The following OXR1 variants were observed in gnomAD, a reference collection of about 807,000 sequenced individuals.
OXR1 encodes oxidation resistance protein 1.
A neutral mutation model predicts 104.6 loss-of-function variants in OXR1; 41 were observed. That is an observed-to-expected ratio of 0.39 (90% CI 0.31 to 0.51). OXR1 has a LOEUF of 0.51. Ranked by LOEUF, OXR1 falls within the 20% of genes least tolerant of loss-of-function variation. The pLI, the probability that OXR1 is intolerant of heterozygous loss-of-function variation, is 0.77. For synonymous variants in OXR1, 348 were observed against 348.4 expected, an observed-to-expected ratio of 1.00 and a Z score of 0.01; for missense variants, 955 against 1,031.9, an observed-to-expected ratio of 0.93 and a Z score of 1.02.
chr8:106,712,480 C>T (rs943535966), intron 10 of OXR1, among the ~76,000 whole-genome samples: 2 of 152,002 alleles, frequency 1.3e-5, no homozygotes, highest in Non-Finnish European at 2.9e-5. Context: ...AACAGGAAAT[C>T]TGTAAAATAT....
At chr8:106,412,526 C>G (rs1403213581) in intron 2 of OXR1, among the ~76,000 whole-genome samples, 1 of 152,128 alleles carries the variant, frequency 6.6e-6, no homozygotes, top group Non-Finnish European at 1.5e-5. Context: ...CGTAAGTATT[C>G]TTATCAATTT....
At chr8:106,557,112 T>C (rs184049864) in intron 3 of OXR1, among the ~76,000 whole-genome samples, 1 of 152,362 alleles carries the variant, frequency 6.6e-6, no homozygotes, top group East Asian at 1.9e-4. Context: ...CCTTTGTGTT[T>C]GCTCTAATTG....
intron 11 of OXR1, among the ~76,000 whole-genome samples, chr8:106,717,134 C>A (rs1463091193): frequency 6.6e-6 from 1 of 151,820 alleles, no homozygotes; most frequent in East Asian, 1.9e-4. Context: ...TGCAGTGAGC[C>A]AAGATCACAC....
At chr8:106,286,616 C>T (rs934689034) in intron 1 of OXR1, among the ~76,000 whole-genome samples, 123 of 152,172 alleles carry the variant, frequency 8.1e-4, no homozygotes, top group African/African-American at 2.8e-3. Context: ...GTTTACATTC[C>T]GAGGTTGTAG....
intron 2 of OXR1, among the ~76,000 whole-genome samples, chr8:106,372,722 T>G (rs910790502): frequency 3.9e-5 from 6 of 152,354 alleles, no homozygotes; most frequent in Non-Finnish European, 7.3e-5. Flanking sequence ...GGGTTTGGAC[T>G]TGGGTGCCAC....
intron 3 of OXR1, among the ~76,000 whole-genome samples, chr8:106,614,237 G>T (rs1821020198): frequency 6.6e-6 from 1 of 152,020 alleles, no homozygotes; most frequent in African/African-American, 2.4e-5. Context: ...CTTAAAAAAG[G>T]TTCAGTTTGA....
chr8:106,508,445 A>G (rs993639321), intron 2 of OXR1, among the ~76,000 whole-genome samples: 17 of 107,510 alleles, frequency 1.6e-4, no homozygotes, highest in Non-Finnish European at 3.0e-4. Flanking sequence ...TCTAAGCAGA[A>G]GAAAACTAGA....
chr8:106,702,326 T>C (rs1348319987), intron 7 of OXR1, among the ~76,000 whole-genome samples: 2 of 152,202 alleles, frequency 1.3e-5, no homozygotes, highest in Admixed American at 6.5e-5. Flanking sequence ...AAAGTATATA[T>C]ACACTATATA....
chr8:106,402,006 C>T (rs994240725), intron 2 of OXR1, among the ~76,000 whole-genome samples: 2 of 152,098 alleles, frequency 1.3e-5, no homozygotes, highest in African/African-American at 4.8e-5. Flanking sequence ...AAGCAAACGG[C>T]TTCTGGTAGG....
intron 1 of OXR1, among the ~76,000 whole-genome samples, chr8:106,303,495 C>T (rs1813348520): frequency 6.6e-6 from 1 of 151,920 alleles, no homozygotes; most frequent in Non-Finnish European, 1.5e-5. Context: ...GCCTTGGCCT[C>T]CCAAAGTGCT....
chr8:106,733,654 A>G (rs1323018796), intron 11 of OXR1, among the ~76,000 whole-genome samples: 1 of 151,826 alleles, frequency 6.6e-6, no homozygotes, highest in African/African-American at 2.4e-5. Flanking sequence ...AAAAAATACA[A>G]AAATTAGCCG....
intron 6 of OXR1, among the ~76,000 whole-genome samples, chr8:106,685,183 T>C (rs1828575375): frequency 6.6e-6 from 1 of 152,164 alleles, no homozygotes; most frequent in Non-Finnish European, 1.5e-5. Context: ...AGAATAAAAG[T>C]CAGGTTTTAA....
chr8:106,609,859 C>CAA (rs1554603012), intron 3 of OXR1, among the ~76,000 whole-genome samples: 2 of 151,638 alleles, frequency 1.3e-5, no homozygotes, highest in African/African-American at 4.8e-5. Context: ...CACACACACA[C>CAA]ATTTATGAGA....
chr8:106,683,690 T>TTTG (rs1017602870), intron 5 of OXR1, among the ~76,000 whole-genome samples: 2 of 152,058 alleles, frequency 1.3e-5, no homozygotes, highest in Non-Finnish European at 2.9e-5. Flanking sequence ...CTAGCCTACT[T>TTTG]TTGTTGTTGT....
intron 1 of OXR1, among the ~76,000 whole-genome samples, chr8:106,356,281 C>T (rs144535528): frequency 6.6e-6 from 1 of 152,122 alleles, no homozygotes; most frequent in Non-Finnish European, 1.5e-5. Context: ...AGATTTGCAT[C>T]TCAAAGGGGC....
At chr8:106,653,697 C>T (rs920469952) in intron 3 of OXR1, among the ~76,000 whole-genome samples, 1 of 151,882 alleles carries the variant, frequency 6.6e-6, no homozygotes, top group Non-Finnish European at 1.5e-5. Flanking sequence ...AAAACGATAT[C>T]TGCTCTCACA....
intron 3 of OXR1, among the ~76,000 whole-genome samples, chr8:106,669,056 C>A (rs1006052395): frequency 4.0e-5 from 6 of 151,798 alleles, no homozygotes; most frequent in Non-Finnish European, 8.8e-5. Context: ...AGAAGAGAGC[C>A]AACTTTAAGG....
intron 3 of OXR1, among the ~76,000 whole-genome samples, chr8:106,615,637 C>G (rs1205618143): frequency 6.6e-6 from 1 of 151,214 alleles, no homozygotes; most frequent in Non-Finnish European, 1.5e-5. Context: ...AAAAAAATGC[C>G]AATTCATTCT....
At chr8:106,460,963 G>C (rs2130647462) in intron 2 of OXR1, among the ~76,000 whole-genome samples, 1 of 151,668 alleles carries the variant, frequency 6.6e-6, no homozygotes, top group African/African-American at 2.4e-5. Context: ...ATCTATATTA[G>C]TTATATATTT....
Sources: allele counts gnomAD v4.1 joint callset (sites outside exome capture counted in the v4.1 genomes callset), GRCh38; gene constraint gnomAD v4.1.1; transcripts MANE v1.5; gene names NCBI Gene and HGNC (gene_info 2026-07-23, HGNC 2026-07-21).